SYNPO2: variants seen among roughly 807,000 people sequenced by gnomAD.
SYNPO2 encodes the protein synaptopodin 2.
SYNPO2 carries 56 observed loss-of-function variants against 85.0 expected under a neutral mutation model. That is an observed-to-expected ratio of 0.66 (90% CI 0.53 to 0.82). The LOEUF is 0.82. Ranked by LOEUF, SYNPO2 falls within the 40% of genes least tolerant of loss-of-function variation. SYNPO2 has a pLI of 0.00. For synonymous variants in SYNPO2, 602 were observed against 591.1 expected, an observed-to-expected ratio of 1.02 and a Z score of -0.27; for missense variants, 1,575 against 1,534.2, an observed-to-expected ratio of 1.03 and a Z score of -0.44.
intron 1 of SYNPO2, among the ~76,000 whole-genome samples, chr4:118,995,053 T>C (rs150855497): frequency 1.1e-3 from 172 of 152,338 alleles, no homozygotes; most frequent in African/African-American, 4.0e-3. Context: ...TCTTTTAGAC[T>C]CCTTGAATGT....
At chr4:119,050,828 G>T (rs1311202396) in intron 4 of SYNPO2, among the ~76,000 whole-genome samples, 1 of 152,176 alleles carries the variant, frequency 6.6e-6, no homozygotes, top group Non-Finnish European at 1.5e-5. Flanking sequence ...TGTTCCATAT[G>T]CAGTATTAAC....
chr4:119,026,598 A>T (rs755387686), intron 2 of SYNPO2, 29 bp from the exon 3 acceptor site: 3 of 1,553,828 alleles, frequency 1.9e-6, no homozygotes, highest in Non-Finnish European at 2.6e-6. Flanking sequence ...GTCTGATTTA[A>T]GTGTCTGGAA....
In SYNPO2 at chr4:119,026,747, C is replaced by G. The variant is rs754304105; in HGVS notation, c.378C>G (p.Thr126=). ...TGCAGATTCGACCGGCCACAAAGACCCAGTGCACAGAATTCTTCCTCGCCC... is the reference window on the plus strand; with the variant it reads ...TGCAGATTCGACCGGCCACAAAGACGCAGTGCACAGAATTCTTCCTCGCCC... ...TTLQIRPATK[T]QCTEFFLAPV... Residue 126 remains threonine (T), a synonymous_variant, in exon 3 of 5, where the codon ACC becomes ACG. Transcript: ENST00000307142. The G allele has an allele frequency of 1.2e-6, 2 of 1,614,136 alleles. No homozygotes were observed. The highest frequency in any genetic ancestry group is 1.7e-5 in the Admixed American group (1 of 60,026).
intron 4 of SYNPO2, among the ~76,000 whole-genome samples, chr4:119,049,877 T>C (rs904321041): frequency 1.3e-5 from 2 of 152,228 alleles, no homozygotes; most frequent in African/African-American, 4.8e-5. Flanking sequence ...TGCGATGCAC[T>C]GTATTCCCTA....
At chr4:118,870,624 C>G (rs970254479) in intron 1 of SYNPO2, among the ~76,000 whole-genome samples, 1 of 152,190 alleles carries the variant, frequency 6.6e-6, no homozygotes, top group African/African-American at 2.4e-5. Context: ...CTTTCTTCCA[C>G]AATGGTTGAA....
chr4:118,889,281 G>A (rs1732287035), intron 1 of SYNPO2, 140 bp downstream of exon 1: 1 of 800,246 alleles, frequency 1.2e-6, no homozygotes, highest in South Asian at 2.0e-5. Context: ...TTTCTAGGAA[G>A]TGAGTTATTT....
intron 1 of SYNPO2, among the ~76,000 whole-genome samples, chr4:118,922,419 A>G (rs1418522878): frequency 6.6e-6 from 1 of 152,120 alleles, no homozygotes; most frequent in African/African-American, 2.4e-5. Flanking sequence ...TTCCTTTTGG[A>G]AGTAAAATGT....
chr4:119,048,458 C>T (rs1352246916), intron 4 of SYNPO2, among the ~76,000 whole-genome samples: 1 of 152,070 alleles, frequency 6.6e-6, no homozygotes, highest in Admixed American at 6.6e-5. Flanking sequence ...TTAGATGGAC[C>T]TTAATTTCTA....
At chr4:118,880,746 C>CAAAAAAAAA (rs11348298) in intron 1 of SYNPO2, among the ~76,000 whole-genome samples, 113 of 131,814 alleles carry the variant, frequency 8.6e-4, no homozygotes, top group African/African-American at 3.2e-3. Flanking sequence ...GACTCTGTCC[C>CAAAAAAAAA]AAAAAAAAAA....
intron 1 of SYNPO2, among the ~76,000 whole-genome samples, chr4:119,022,697 ATTT>A (rs1466903209): frequency 0.012 from 1,620 of 135,072 alleles, 35 homozygotes; most frequent in African/African-American, 0.041. Context: ...ATTGTATTTT[ATTT>A]TATTTTATAT....
chr4:118,913,097 T>C (rs1316473870), intron 1 of SYNPO2, among the ~76,000 whole-genome samples: 1 of 152,210 alleles, frequency 6.6e-6, no homozygotes, highest in Non-Finnish European at 1.5e-5. Context: ...AACAGTACTA[T>C]GCTAGGTTCT....
intron 1 of SYNPO2, among the ~76,000 whole-genome samples, chr4:118,950,170 A>G (rs1407764903): frequency 6.6e-6 from 1 of 152,198 alleles, no homozygotes; most frequent in Non-Finnish European, 1.5e-5. Flanking sequence ...TTAATTTGTA[A>G]TAAGTTTTAG....
At chr4:119,041,528 T>C (rs986824452) in intron 4 of SYNPO2, among the ~76,000 whole-genome samples, 2 of 152,158 alleles carry the variant, frequency 1.3e-5, no homozygotes, top group East Asian at 3.8e-4. Flanking sequence ...GGATTACTTA[T>C]TACTGTTTAA....
At chr4:118,982,375 G>A (rs1182481834) in intron 1 of SYNPO2, among the ~76,000 whole-genome samples, 4 of 152,110 alleles carry the variant, frequency 2.6e-5, no homozygotes, top group African/African-American at 7.2e-5. Flanking sequence ...TAACCCTCTC[G>A]GATGCACATA....
upstream of SYNPO2, among the ~76,000 whole-genome samples, chr4:118,885,342 C>T (rs1276063492): frequency 6.6e-6 from 1 of 151,904 alleles, no homozygotes. Flanking sequence ...AGGGTGGAAA[C>T]AAGCCTGGAA....
chr4:118,938,344 T>A (rs867402178), intron 1 of SYNPO2, among the ~76,000 whole-genome samples: 4 of 152,132 alleles, frequency 2.6e-5, no homozygotes, highest in Admixed American at 1.3e-4. Context: ...ATATGTATAT[T>A]TATATATATA....
At chr4:119,051,186 A>ATGTTTTTG (rs376359189) in intron 4 of SYNPO2, among the ~76,000 whole-genome samples, 1 of 100,720 alleles carries the variant, frequency 9.9e-6, no homozygotes, top group Admixed American at 1.3e-4. Flanking sequence ...ATGGGAAGCA[A>ATGTTTTTG]TTTTTTTTTT....
chr4:118,957,072 A>T (rs906143375), intron 1 of SYNPO2, among the ~76,000 whole-genome samples: 18 of 151,324 alleles, frequency 1.2e-4, no homozygotes, highest in Admixed American at 2.6e-4. Context: ...TAAAAAAAAT[A>T]AAAAAAAGTG....
chr4:118,875,754 T>TA (rs1411495252), intron 1 of SYNPO2, among the ~76,000 whole-genome samples: 4 of 152,236 alleles, frequency 2.6e-5, no homozygotes. Flanking sequence ...CCCAAATACT[T>TA]ACAGTGTCTG....
Sources: allele counts gnomAD v4.1 joint callset (sites outside exome capture counted in the v4.1 genomes callset), GRCh38; gene constraint gnomAD v4.1.1; transcripts MANE v1.5; gene names NCBI Gene and HGNC (gene_info 2026-07-23, HGNC 2026-07-21).